Variants in CAPG observed in about 807,000 individuals in gnomAD.
The protein encoded by CAPG is capping actin protein, gelsolin like, also known as macrophage-capping protein.
CAPG carries 32 observed loss-of-function variants against 44.6 expected under a neutral mutation model. The observed-to-expected ratio is 0.72, with a 90% CI of 0.54 to 0.96. The LOEUF (loss-of-function observed/expected upper bound fraction) is 0.96, where lower values mean the gene tolerates loss of function less well. CAPG is among the 50% of genes least tolerant of loss of function. CAPG has a pLI of 0.00. For synonymous variants in CAPG, 175 were observed against 179.6 expected (o/e 0.97, Z 0.20); for missense variants, 412 against 438.3 (o/e 0.94, Z 0.54).
At chr2:85,411,187 T>A (rs1245957834), upstream of CAPG, among the ~76,000 whole-genome samples, 1 of 152,176 alleles carries the variant, frequency 6.6e-6, no homozygotes, top group Non-Finnish European at 1.5e-5. Flanking sequence ...GCTGAGGCCA[T>A]AAAACATTCT....
At chr2:85,395,000 C>T (rs1471648205) in intron 9 of CAPG, 42 bp from the exon 10 acceptor site, 2 of 1,419,516 alleles carry the variant, frequency 1.4e-6, no homozygotes, top group Non-Finnish European at 1.0e-6. Context: ...ACAAAGTTGC[C>T]ACCTCTGCCT....
rs529238592 is a variant in CAPG at position 85,408,903 on chromosome 2, C to T, written c.-14+1414G>A. 2.0e-5 allele frequency: 3 copies of T among 152,346 alleles called. No individual in the cohort carries two copies. The East Asian group carries it at 5.8e-4, about 29-fold the overall frequency. The allele number at this position is 152,346 out of a possible 1,614,324, so 9.4% of individuals were successfully genotyped here. A position where few individuals can be genotyped will look rare whatever the true frequency, so the allele number is the denominator to read the frequency against. ...CTCTGCCTGCACCGCCCTACACATACCCATACACGCATAGTGCAGAAATCT... is the reference window on the plus strand; with the variant it reads ...CTCTGCCTGCACCGCCCTACACATATCCATACACGCATAGTGCAGAAATCT... On this transcript the variant is annotated intron_variant, in intron 1 of 9. Coordinates refer to ENST00000263867, the MANE Select transcript of CAPG (RefSeq NM_001747.4).
intron 1 of CAPG, among the ~76,000 whole-genome samples, chr2:85,404,869 G>A (rs191884494): frequency 6.6e-6 from 1 of 151,560 alleles, no homozygotes; most frequent in African/African-American, 2.4e-5. Context: ...CCAGGAGATA[G>A]AGGCTGCAGT....
At chr2:85,394,621 C>T (rs1045464295), downstream of CAPG, 68 of 519,046 alleles carry the variant, frequency 1.3e-4, no homozygotes, top group Non-Finnish European at 2.1e-4. Context: ...GCTGGGACTC[C>T]TCTGTCATGC....
rs1686512080 is a variant in CAPG, at chr2:85,394,914, T to C, written c.1026A>G (p.Gln342=). 13 of 1,613,268 alleles carry C rather than the reference T, an allele frequency of 8.1e-6. No individual in the cohort carries two copies. The highest frequency in any genetic ancestry group is 4.5e-5 in the East Asian group (2 of 44,866). ...ACCCTCATTTCCAGTCCTTGAAAAA[T>C]TGCTTGAAGATGGGACTCTCATGGC... ...PQGHESPIFK[Q]FFKDWK The change falls in exon 10 of 10, where the codon CAA becomes CAG. Residue 342 remains glutamine (Q), a synonymous_variant. Coordinates refer to ENST00000263867, the MANE Select transcript of CAPG (RefSeq NM_001747.4).
rs140149844 is a variant in CAPG, at chr2:85,398,193, C to T, written c.760-41G>A. 7.6e-5 allele frequency: 122 copies of T among 1,600,246 alleles called. 1 individual carries two copies. The South Asian group carries it at 1.2e-3, about 16-fold the overall frequency. ...AGTGCCTGATCTCACCCCCCACACA[C>T]CAGCCCTCACCTCAGCCTGAGGAGG... On this transcript the variant is annotated intron_variant, in intron 7 of 9. Transcript: ENST00000263867.
At position 85,395,847 on chromosome 2, in the gene CAPG, G is replaced by A. The variant is rs149379345; in HGVS notation, c.893-221C>T. On this transcript the variant is annotated intron_variant, in intron 8 of 9. Transcript: ENST00000263867. The surrounding 1 kb of genome is among the most constrained non-coding windows in gnomAD (Gnocchi z 4.3). ...GCACCAAGGTAGATGAAAACCCCTC[G>A]TCTGCCCGGGTCTGATCATGCAAAA... The A allele has an allele frequency of 1.4e-3, 768 of 542,576 alleles. 10 individuals are homozygous for A. Among genetic ancestry groups the A allele is most frequent in the African/African-American group, 0.013 (691 of 52,770 alleles). The allele number at this position is 542,576 out of a possible 1,614,324, so 33.6% of individuals were successfully genotyped here. A position where few individuals can be genotyped will look rare whatever the true frequency, so the allele number is the denominator to read the frequency against.
rs571020204 is a variant in CAPG, at chr2:85,395,722, G to T, written c.893-96C>A. The T allele has an allele frequency of 8.4e-6, 7 of 831,260 alleles. No homozygotes were observed. The East Asian group carries it at 1.3e-4, about 16-fold the overall frequency. The allele number at this position is 831,260 out of a possible 1,614,324, so 51.5% of individuals were successfully genotyped here. On this transcript the variant is annotated intron_variant, in intron 8 of 9. Transcript: ENST00000263867. The surrounding 1 kb of genome is among the most constrained non-coding windows in gnomAD (Gnocchi z 4.3). ...GAAATTTAAGGGAGTCCACAGAAGA[G>T]CCAGCAATTTTTACAATAAATGGAC...
At chr2:85,393,224 T>C (rs779127391), downstream of CAPG, among the ~76,000 whole-genome samples, 2 of 152,012 alleles carry the variant, frequency 1.3e-5, no homozygotes, top group Non-Finnish European at 2.9e-5. Context: ...TTGGTAGAGA[T>C]GGGGTTTCAC....
At chr2:85,406,720 T>C (rs988293070) in intron 1 of CAPG, among the ~76,000 whole-genome samples, 3 of 151,702 alleles carry the variant, frequency 2.0e-5, no homozygotes, top group Admixed American at 6.6e-5. Flanking sequence ...TAGCTGGGCT[T>C]CGTGGCTCAT....
chr2:85,392,486 A>AC (rs1454681592), downstream of CAPG, among the ~76,000 whole-genome samples: 1 of 150,658 alleles, frequency 6.6e-6, no homozygotes, highest in African/African-American at 2.4e-5. Flanking sequence ...TGTCCTCCGG[A>AC]CCCCCTCAAG....
At chr2:85,401,466 C>T in intron 4 of CAPG, 63 bp downstream of exon 4, 1 of 1,599,182 alleles carries the variant, frequency 6.3e-7, no homozygotes, top group Non-Finnish European at 8.6e-7. Context: ...TGAGAACCAG[C>T]CAGAAGCAGG....
rs1375498352 is a variant in CAPG, at chr2:85,409,461, C to T, written c.-14+856G>A. Among the ~76,000 whole-genome samples, 5 of 152,146 alleles carry T rather than the reference C, an allele frequency of 3.3e-5. No individual in the cohort carries two copies. In the East Asian group the frequency reaches 9.7e-4, roughly 29 times the overall value. On this transcript the variant is annotated intron_variant, in intron 1 of 9. Coordinates refer to ENST00000263867, the MANE Select transcript of CAPG (RefSeq NM_001747.4). ...GACAGCCATCAGAGGGACAAAAATC[C>T]TGCCGGGGTCCAGTGGTACCTTTGC... is the stretch of plus-strand genomic sequence containing the variant.
chr2:85,418,841 C>T (rs573468017), upstream of CAPG: 22 of 152,502 alleles, frequency 1.4e-4, no homozygotes, highest in African/African-American at 5.3e-4. Context: ...ACCCAGCTCC[C>T]CACCCCTGCA....
chr2:85,394,542 T>A (rs1223442064), downstream of CAPG, among the ~76,000 whole-genome samples: 2 of 152,234 alleles, frequency 1.3e-5, no homozygotes, highest in Non-Finnish European at 2.9e-5. Flanking sequence ...AACACCCGGA[T>A]GCAACTGATC....
intron 3 of CAPG, 47 bp from the exon 4 acceptor site, chr2:85,401,730 C>G (rs1345867215): frequency 1.2e-5 from 20 of 1,613,172 alleles, no homozygotes; most frequent in Non-Finnish European, 1.6e-5. Context: ...TGATCCATAC[C>G]AGCCCCCTCC....
Position 85,394,808 on chromosome 2 carries a change from C to T in CAPG, c.*85G>A, listed in dbSNP as rs1686504511. 1.1e-6 allele frequency: 1 copy of T among 913,938 alleles called. No homozygotes were observed. The highest frequency in any genetic ancestry group is 1.8e-6 in the Non-Finnish European group (1 of 541,482). 56.6% of individuals were successfully genotyped at this position (913,938 alleles called of 1,614,324 possible). ...TCCTTTATTGAACATCTGCAGGGGG[C>T]ACCTCTGCACTGACCAGGCAGCCAG... is the stretch of plus-strand genomic sequence containing the variant. On this transcript the variant is annotated 3_prime_UTR_variant, in exon 10 of 10. Transcript: ENST00000263867.
upstream of CAPG, among the ~76,000 whole-genome samples, chr2:85,415,111 C>T (rs377454172): frequency 1.7e-4 from 26 of 152,292 alleles, no homozygotes; most frequent in South Asian, 1.0e-3. Flanking sequence ...AAGGAGTCCT[C>T]GGAAACCACC....
chr2:85,417,444 G>C (rs1687581884), intron 1 of CAPG, among the ~76,000 whole-genome samples: 1 of 150,104 alleles, frequency 6.7e-6, no homozygotes, highest in African/African-American at 2.5e-5. Flanking sequence ...TGCCAGTTGT[G>C]AGTCCTTTCA....
Sources: allele counts gnomAD v4.1 joint callset (sites outside exome capture counted in the v4.1 genomes callset), GRCh38; gene constraint gnomAD v4.1.1; non-coding constraint Gnocchi (gnomAD v3.1); transcripts MANE v1.5; gene names NCBI Gene and HGNC (gene_info 2026-07-23, HGNC 2026-07-21).